Variants in CACNA1A observed in about 807,000 individuals in gnomAD.
CACNA1A encodes voltage-dependent P/Q-type calcium channel subunit alpha-1A.
CACNA1A carries 57 observed loss-of-function variants against 262.4 expected under a neutral mutation model. That is an observed-to-expected ratio of 0.22 (90% CI 0.18 to 0.27). CACNA1A has a LOEUF of 0.27. Among genes scored for constraint, CACNA1A ranks in the 10% least tolerant of loss-of-function variants. The pLI, the probability that CACNA1A is intolerant of heterozygous loss-of-function variation, is 1.00. For missense variants in CACNA1A, 2,526 were observed against 3,562.8 expected, an observed-to-expected ratio of 0.71 and a Z score of 7.41; for synonymous variants, 1,431 against 1,419.3, an observed-to-expected ratio of 1.01 and a Z score of -0.18.
At chr19:13,478,781 C>A (rs991410753) in intron 1 of CACNA1A, among the ~76,000 whole-genome samples, 5 of 152,200 alleles carry the variant, frequency 3.3e-5, no homozygotes, top group African/African-American at 1.2e-4. Flanking sequence ...TATTGAGCAA[C>A]AGAATGACAG....
chr19:13,454,731 G>C (rs993095279), intron 2 of CACNA1A, among the ~76,000 whole-genome samples: 2 of 152,076 alleles, frequency 1.3e-5, no homozygotes, highest in Admixed American at 6.6e-5. Flanking sequence ...AATTATGTCA[G>C]ATGCCAAAGT....
chr19:13,422,384 G>C (rs1311498654), intron 3 of CACNA1A, among the ~76,000 whole-genome samples: 1 of 152,142 alleles, frequency 6.6e-6, no homozygotes, highest in East Asian at 1.9e-4. Context: ...GTCAAGGCCA[G>C]ATGACGCAGG....
chr19:13,455,274 C>A (rs545236700), intron 1 of CACNA1A, 62 bp from the exon 2 acceptor site: 120 of 899,182 alleles, frequency 1.3e-4, no homozygotes, highest in Non-Finnish European at 1.8e-4. Context: ...GGTGCACCCA[C>A]CCCCACTGAC....
intron 3 of CACNA1A, among the ~76,000 whole-genome samples, chr19:13,449,580 G>C (rs1265697675): frequency 6.6e-6 from 1 of 152,126 alleles, no homozygotes. Context: ...AAAATTGCTA[G>C]GATTACAGGT....
rs186003022 is a variant in CACNA1A, at chr19:13,354,919, G to A, written c.978+4687C>T. 1.9e-4 allele frequency among the ~76,000 whole-genome samples: 27 copies of A among 144,542 alleles called. No homozygotes were observed. The East Asian group carries it at 5.3e-3, about 28-fold the overall frequency. 94.8% of individuals were successfully genotyped at this position (144,542 alleles called of 152,430 possible). ...AGACGGAGTCTCATTCTGTCACCCA[G>A]GCTGGAGTGCAGTGGCATGATCTTG... On this transcript the variant is annotated intron_variant, in intron 6 of 46. Coordinates refer to ENST00000360228, the MANE Select transcript of CACNA1A (RefSeq NM_001127222.2).
At chr19:13,455,249 A>G (rs1291052781) in intron 1 of CACNA1A, 37 bp from the exon 2 acceptor site, 3 of 1,376,874 alleles carry the variant, frequency 2.2e-6, no homozygotes, top group Non-Finnish European at 3.1e-6. Context: ...GTTCAAAGAA[A>G]AGAAGGGTGT....
intron 10 of CACNA1A, among the ~76,000 whole-genome samples, chr19:13,329,176 G>C (rs1435343998): frequency 6.6e-6 from 1 of 152,184 alleles, no homozygotes; most frequent in Non-Finnish European, 1.5e-5. Flanking sequence ...AGAAGGGAAA[G>C]AATAAATGTT....
At position 13,363,216 on chromosome 19, in the gene CACNA1A, A is replaced by G. The variant is rs537368751; in HGVS notation, c.784+2101T>C. 6 of 152,206 alleles carry G rather than the reference A, an allele frequency of 3.9e-5. No homozygotes were observed. In the East Asian group the frequency reaches 9.7e-4, roughly 25 times the overall value. The allele number at this position is 152,206 out of a possible 1,614,324, so 9.4% of individuals were successfully genotyped here. The stretch of plus-strand genomic sequence containing the variant: ...TCTCCTTTAGCTAGTCTAGGGTAGA[A>G]AAACATAAAATAAAACTTCACAGAA... On this transcript the variant is annotated intron_variant, in intron 5 of 46. Coordinates refer to ENST00000360228, the MANE Select transcript of CACNA1A (RefSeq NM_001127222.2).
chr19:13,337,491 A>T (rs1039589477), intron 6 of CACNA1A, among the ~76,000 whole-genome samples: 3 of 152,140 alleles, frequency 2.0e-5, no homozygotes, highest in Non-Finnish European at 4.4e-5. Context: ...CACCCTAATG[A>T]TCTCATCTTA....
intron 31 of CACNA1A, chr19:13,244,914 T>C (rs994857242): frequency 3.9e-6 from 2 of 509,440 alleles, no homozygotes; most frequent in African/African-American, 3.8e-5. Flanking sequence ...ATCTGCATTA[T>C]TAATTCCTAG....
intron 1 of CACNA1A, among the ~76,000 whole-genome samples, chr19:13,469,306 T>C (rs2061306493): frequency 2.6e-5 from 4 of 152,298 alleles, no homozygotes; most frequent in Admixed American, 6.5e-5. Flanking sequence ...CCATTGTCCA[T>C]GCTGGTCCCC....
chr19:13,358,738 G>A (rs1046762276), intron 6 of CACNA1A, among the ~76,000 whole-genome samples: 1 of 152,140 alleles, frequency 6.6e-6, no homozygotes, highest in African/African-American at 2.4e-5. Context: ...GAGTACAAAA[G>A]CAGACCACAT....
At chr19:13,346,058 G>T (rs1183340746) in intron 6 of CACNA1A, among the ~76,000 whole-genome samples, 1 of 151,982 alleles carries the variant, frequency 6.6e-6, no homozygotes, top group Admixed American at 6.6e-5. Flanking sequence ...GCATGACCAC[G>T]CCTGGCTAAC....
intron 34 of CACNA1A, among the ~76,000 whole-genome samples, chr19:13,232,471 C>G (rs564209571): frequency 1.3e-5 from 2 of 152,190 alleles, no homozygotes; most frequent in East Asian, 1.9e-4. Context: ...GTGGCTCACA[C>G]CTGTAATCCC....
chr19:13,332,735 TA>T, intron 9 of CACNA1A, 133 bp downstream of exon 9: 1 of 525,614 alleles, frequency 1.9e-6, no homozygotes. Context: ...ATGGAAGTCC[TA>T]AAATTCCTCC....
At chr19:13,373,819 C>T (rs2059363139) in intron 3 of CACNA1A, among the ~76,000 whole-genome samples, 2 of 152,192 alleles carry the variant, frequency 1.3e-5, no homozygotes, top group African/African-American at 2.4e-5. Flanking sequence ...GGCGTCTGAG[C>T]GTATCCTATG....
chr19:13,209,854 A>G (rs1040378266), intron 44 of CACNA1A, among the ~76,000 whole-genome samples: 12 of 152,094 alleles, frequency 7.9e-5, no homozygotes, highest in African/African-American at 2.9e-4. Context: ...AGCCCTCTCC[A>G]CATCCAGGGT....
At chr19:13,413,901 AAG>A (rs750392610) in intron 3 of CACNA1A, among the ~76,000 whole-genome samples, 12 of 62,412 alleles carry the variant, frequency 1.9e-4, no homozygotes, top group African/African-American at 4.5e-4. Flanking sequence ...AAGAAAAAGA[AAG>A]AAAGAAAGAA....
rs1443640709 is a variant in CACNA1A at position 13,506,129 on chromosome 19, T to A, written c.96A>T (p.Gly32=). The stretch of plus-strand genomic sequence containing the variant: ...GCCCGCCCTGCCGGCTGCCCCCGGC[T>A]CCTCGCCCGCCTCCGCTGCCCACGA... ...GVVVGSGGGR[G]AGGSRQGGQP... Residue 32 remains glycine (G), a synonymous_variant, in exon 1 of 47, where the codon GGA becomes GGT. Coordinates refer to ENST00000360228, the MANE Select transcript of CACNA1A (RefSeq NM_001127222.2). The A allele has an allele frequency of 6.2e-7, 1 of 1,601,114 alleles. No homozygotes were observed. The highest frequency in any genetic ancestry group is 8.5e-7 in the Non-Finnish European group (1 of 1,174,314).
Sources: gnomAD v4.1 joint callset for allele counts (sites outside exome capture counted in the v4.1 genomes callset) on GRCh38, gnomAD v4.1.1 for gene constraint, MANE v1.5 for transcripts, NCBI Gene and HGNC (gene_info 2026-07-23, HGNC 2026-07-21) for gene names.